Variants in CAMTA1 observed in about 807,000 individuals in gnomAD.
The protein encoded by CAMTA1 is calmodulin binding transcription activator 1, also known as calmodulin-binding transcription activator 1.
In CAMTA1, 27 loss-of-function variants were observed where a neutral mutation model predicts 170.9. The ratio of observed to expected loss-of-function variants is 0.16; its 90% CI spans 0.12 to 0.22. CAMTA1 has a LOEUF of 0.22. Among genes scored for constraint, CAMTA1 ranks in the 10% least tolerant of loss-of-function variants. The pLI is 1.00. For synonymous variants in CAMTA1, 833 were observed against 891.5 expected (o/e 0.93, Z 1.17); for missense variants, 1,619 against 2,217.2 (o/e 0.73, Z 5.42).
rs114182219 is a variant in CAMTA1 at position 6,994,414 on chromosome 1, A to T, written c.235-96890A>T. 4.7e-3 allele frequency among the ~76,000 whole-genome samples: 714 copies of T among 152,252 alleles called. 5 individuals are homozygous for T. Among genetic ancestry groups the T allele is most frequent in the African/African-American group, 0.016 (683 of 41,562 alleles). ...TCTTAACATGTCTTCATTTTGCCTT[A>T]CTTAATGGTGGATTTTTCACTGGGT... On this transcript the variant is annotated intron_variant, in intron 3 of 22. Coordinates refer to ENST00000303635, the MANE Select transcript of CAMTA1 (RefSeq NM_015215.4).
chr1:7,695,069 C>T (rs1294995859), intron 11 of CAMTA1, among the ~76,000 whole-genome samples: 1 of 152,186 alleles, frequency 6.6e-6, no homozygotes, highest in Non-Finnish European at 1.5e-5. Context: ...ATCAGAAGGT[C>T]TGGTCTGGGT....
Position 7,074,266 on chromosome 1 carries a change from C to T in CAMTA1, c.235-17038C>T, listed in dbSNP as rs61691057. 8.9e-3 allele frequency among the ~76,000 whole-genome samples: 1,349 copies of T among 152,282 alleles called. 19 individuals are homozygous for T. Among genetic ancestry groups the T allele is most frequent in the African/African-American group, 0.031 (1,278 of 41,556 alleles). Reference sequence around the variant, plus strand: ...TCTGTATGGCTGTGCAAATGAAGCACGCTGCTTCCCTCATTCCTGTATTCA... The same window carrying T: ...TCTGTATGGCTGTGCAAATGAAGCATGCTGCTTCCCTCATTCCTGTATTCA... On this transcript the variant is annotated intron_variant, in intron 3 of 22. Coordinates refer to ENST00000303635, the MANE Select transcript of CAMTA1 (RefSeq NM_015215.4).
Position 7,497,477 on chromosome 1 carries a change from T to TC in CAMTA1, c.510+29580dup, listed in dbSNP as rs576199694. ...GCCCATCTAGAGAACAGGAATGACA[T>TC]CCCCAGCCCTGCATGCTGGCAATCT... On this transcript the variant is annotated intron_variant, in intron 6 of 22. Transcript: ENST00000303635. 4.6e-5 allele frequency among the ~76,000 whole-genome samples: 7 copies of TC among 152,236 alleles called. No individual in the cohort carries two copies. In the South Asian group the frequency reaches 1.5e-3, roughly 32 times the overall value.
intron 4 of CAMTA1, among the ~76,000 whole-genome samples, chr1:7,180,350 C>T (rs1651852784): frequency 7.4e-6 from 1 of 134,692 alleles, no homozygotes; most frequent in Non-Finnish European, 1.6e-5. Context: ...AAGAGCGAAA[C>T]TACATCTCAA....
chr1:7,415,242 T>C (rs1001848680), intron 5 of CAMTA1, among the ~76,000 whole-genome samples: 2 of 151,946 alleles, frequency 1.3e-5, no homozygotes, highest in Admixed American at 6.6e-5. Context: ...TCTGTTGATT[T>C]GGGGTGGAGA....
chr1:6,913,329 C>A lies in CAMTA1; in HGVS notation c.234+88119C>A, dbSNP rs554170180. ...GCAGTGCCACATGGCCAGACTGTTT[C>A]CATCAGGACGGTCAGAGCTCTGCTG... On this transcript the variant is annotated intron_variant, in intron 3 of 22. Coordinates refer to ENST00000303635, the MANE Select transcript of CAMTA1 (RefSeq NM_015215.4). Among the ~76,000 whole-genome samples the A allele has an allele frequency of 1.4e-4, 22 of 152,284 alleles. No individual in the cohort carries two copies. In the South Asian group the frequency reaches 4.4e-3, roughly 30 times the overall value.
At chr1:7,236,032 T>G (rs1280778907) in intron 4 of CAMTA1, among the ~76,000 whole-genome samples, 1 of 152,158 alleles carries the variant, frequency 6.6e-6, no homozygotes, top group Non-Finnish European at 1.5e-5. Flanking sequence ...CCCCCTCTTT[T>G]CATAAACAGC....
chr1:7,663,314 CTGCGTG>C, intron 8 of CAMTA1, 33 bp from the exon 9 acceptor site: 1 of 1,514,562 alleles, frequency 6.6e-7, no homozygotes. Flanking sequence ...ACATGTGTGC[CTGCGTG>C]TGCGTGCGCG....
chr1:7,513,399 C>T (rs1334541513), intron 6 of CAMTA1, among the ~76,000 whole-genome samples: 4 of 152,224 alleles, frequency 2.6e-5, no homozygotes, highest in East Asian at 1.9e-4. Context: ...TGCAAAGCAG[C>T]GTAGACTGGG....
intron 3 of CAMTA1, among the ~76,000 whole-genome samples, chr1:6,920,831 AT>A (rs1351218799): frequency 6.6e-6 from 1 of 152,214 alleles, no homozygotes; most frequent in Non-Finnish European, 1.5e-5. Context: ...CAACTGGGAC[AT>A]AGGGCACCAA....
chr1:7,172,430 A>G (rs1558200964), intron 4 of CAMTA1, among the ~76,000 whole-genome samples: 1 of 152,330 alleles, frequency 6.6e-6, no homozygotes, highest in Admixed American at 6.5e-5. Context: ...GATTACAGGC[A>G]TGAGCCACTG....
intron 5 of CAMTA1, among the ~76,000 whole-genome samples, chr1:7,359,878 C>T (rs1225474154): frequency 2.0e-5 from 3 of 152,146 alleles, no homozygotes; most frequent in African/African-American, 7.2e-5. Context: ...GTACCACAAA[C>T]GGCGTGGCTT....
chr1:7,091,587 T>C (rs1011868225), intron 4 of CAMTA1, among the ~76,000 whole-genome samples: 3 of 152,204 alleles, frequency 2.0e-5, no homozygotes, highest in Non-Finnish European at 4.4e-5. Context: ...CATCCGCCAG[T>C]TGGAACTTTT....
intron 4 of CAMTA1, among the ~76,000 whole-genome samples, chr1:7,231,948 C>A (rs1171541258): frequency 6.6e-6 from 1 of 152,242 alleles, no homozygotes; most frequent in African/African-American, 2.4e-5. Context: ...GGCCTCTGCC[C>A]TCATGGAGAC....
rs1226975141 is a variant in CAMTA1, at chr1:7,276,030, G to T, written c.438+26404G>T. Among the ~76,000 whole-genome samples, 4 of 151,488 alleles carry T rather than the reference G, an allele frequency of 2.6e-5. No homozygotes were observed. The East Asian group carries it at 5.8e-4, about 22-fold the overall frequency. On this transcript the variant is annotated intron_variant, in intron 5 of 22. Transcript: ENST00000303635. ...AATGGAATGCAGCTATAAGTAAAAAGGATAATACACCACGATTAATTATGT... is the reference window on the plus strand; with the variant it reads ...AATGGAATGCAGCTATAAGTAAAAATGATAATACACCACGATTAATTATGT...
chr1:7,069,330 A>G (rs773430185), intron 3 of CAMTA1, among the ~76,000 whole-genome samples: 10 of 152,224 alleles, frequency 6.6e-5, no homozygotes, highest in South Asian at 2.1e-4. Flanking sequence ...TGACTTGCCC[A>G]GGGTCACACA....
rs147221509 is a variant in CAMTA1, at chr1:7,555,052, G to A, written c.511-85348G>A. 5.7e-3 allele frequency among the ~76,000 whole-genome samples: 865 copies of A among 152,172 alleles called. 8 individuals carry two copies. The highest frequency in any genetic ancestry group is 0.02 in the African/African-American group (832 of 41,506). On this transcript the variant is annotated intron_variant, in intron 6 of 22. Coordinates refer to ENST00000303635, the MANE Select transcript of CAMTA1 (RefSeq NM_015215.4). ...TCCCAGTAAACTGTGAACCTCAAGG[G>A]TATCCCCAAGTGCCTTTCAGCCTGC...
At chr1:7,714,397 G>T (rs1465416775) in intron 11 of CAMTA1, among the ~76,000 whole-genome samples, 5 of 152,170 alleles carry the variant, frequency 3.3e-5, no homozygotes, top group Non-Finnish European at 7.3e-5. Flanking sequence ...GGACCACATT[G>T]GACCTTTGCT....
chr1:7,022,355 G>C (rs1395944433), intron 3 of CAMTA1, among the ~76,000 whole-genome samples: 2 of 152,144 alleles, frequency 1.3e-5, no homozygotes, highest in African/African-American at 4.8e-5. Flanking sequence ...AAAGGCCACA[G>C]GATGACTCTG....
Sources: allele counts gnomAD v4.1 joint callset (sites outside exome capture counted in the v4.1 genomes callset), GRCh38; gene constraint gnomAD v4.1.1; transcripts MANE v1.5; gene names NCBI Gene and HGNC (gene_info 2026-07-23, HGNC 2026-07-21).